Variants in TECR observed in about 807,000 individuals in gnomAD.
TECR encodes the protein very-long-chain enoyl-CoA reductase.
TECR carries 19 observed loss-of-function variants against 50.6 expected under a neutral mutation model. That is an observed-to-expected ratio of 0.38 (90% confidence interval 0.26 to 0.55). The LOEUF is 0.55. TECR is among the 20% of genes least tolerant of loss of function. The pLI, the probability that TECR is intolerant of heterozygous loss-of-function variation, is 0.79. For synonymous variants in TECR, 168 were observed against 163.5 expected, an observed-to-expected ratio of 1.03 and a Z score of -0.21; for missense variants, 313 against 408.3, an observed-to-expected ratio of 0.77 and a Z score of 2.01.
intron 1 of TECR, among the ~76,000 whole-genome samples, chr19:14,534,801 A>T (rs145977907): frequency 1.3e-5 from 2 of 152,156 alleles, no homozygotes; most frequent in Non-Finnish European, 2.9e-5. Flanking sequence ...AGATAATGCA[A>T]CTGAAGCTCA....
Position 14,529,815 on chromosome 19 carries a change from A to C in TECR, c.15+104A>C, listed in dbSNP as rs542276577. The C allele has an allele frequency of 2.6e-6, 4 of 1,550,190 alleles. No individual in the cohort carries two copies. In the South Asian group the frequency reaches 4.5e-5, roughly 17 times the overall value. ...CTTTCTGGTCCTGTGCCCCGAAGGA[A>C]GAGCCAGACGGCGCAGGCGCAGTGG... On this transcript the variant is annotated intron_variant, in intron 1 of 12. Coordinates refer to ENST00000215567, the MANE Select transcript of TECR (RefSeq NM_138501.6).
intron 1 of TECR, among the ~76,000 whole-genome samples, chr19:14,541,434 A>G (rs548907864): frequency 2.5e-4 from 38 of 152,372 alleles, no homozygotes; most frequent in Non-Finnish European, 1.5e-5. Context: ...GGTTGTGGGC[A>G]GGTCCTGCTG....
intron 1 of TECR, among the ~76,000 whole-genome samples, chr19:14,537,744 G>GT (rs533380690): frequency 0.06 from 7,615 of 126,216 alleles, 376 homozygotes; most frequent in Middle Eastern, 0.066. Context: ...AATTATCAGT[G>GT]TTTTTTTTTT....
At chr19:14,528,034 C>A (rs888626653), upstream of TECR, among the ~76,000 whole-genome samples, 1 of 150,928 alleles carries the variant, frequency 6.6e-6, no homozygotes, top group Non-Finnish European at 1.5e-5. Context: ...CAGGTGCCCA[C>A]CATTACACCT....
chr19:14,529,708 C>T lies in TECR; in HGVS notation c.12C>T (p.Tyr4=), dbSNP rs1166268610. The change falls in exon 1 of 13, where the codon TAC becomes TAT. Residue 4 remains tyrosine (Y), a synonymous_variant. Transcript: ENST00000215567. ...CGTGGGAGGGAGCCATGAAGCATTA[C>T]GAGGTAAGAAGCGAGAAACAGGGGC... MKH[Y]EVEILDAKTR... 3 of 1,614,012 alleles carry T rather than the reference C, an allele frequency of 1.9e-6. No individual in the cohort carries two copies. In the South Asian group the frequency reaches 3.3e-5, roughly 18 times the overall value.
At chr19:14,536,693 A>G (rs1415118372) in intron 1 of TECR, 1 of 152,134 alleles carries the variant, frequency 6.6e-6, no homozygotes, top group East Asian at 1.9e-4. Context: ...TCTAAGTCAC[A>G]GGTAGGGTAT....
At chr19:14,559,331 C>T (rs2073837407) in intron 1 of TECR, among the ~76,000 whole-genome samples, 1 of 152,064 alleles carries the variant, frequency 6.6e-6, no homozygotes, top group Admixed American at 6.6e-5. Context: ...GCAGCAGCCA[C>T]TCCCCATTCC....
At chr19:14,562,424 G>T in intron 1 of TECR, 101 bp from the exon 2 acceptor site, 1 of 1,331,688 alleles carries the variant, frequency 7.5e-7, no homozygotes, top group Non-Finnish European at 1.1e-6. Context: ...TTGTTGGCCC[G>T]GGAGGCCACC....
chr19:14,539,140 ATTTTTTTTTTTTTT>A (rs57801378), intron 1 of TECR, among the ~76,000 whole-genome samples: 13 of 92,544 alleles, frequency 1.4e-4, no homozygotes, highest in Admixed American at 1.1e-3. Flanking sequence ...CGCCCGGCTA[ATTTTTTTTTTTTTT>A]TTTTTTTTTT....
intron 1 of TECR, among the ~76,000 whole-genome samples, chr19:14,538,041 G>T (rs777755612): frequency 6.6e-6 from 1 of 152,058 alleles, no homozygotes; most frequent in East Asian, 1.9e-4. Flanking sequence ...CCACTGCGCC[G>T]GCAGTGTGAG....
chr19:14,552,172 C>CT (rs536176918), intron 1 of TECR, among the ~76,000 whole-genome samples: 5,190 of 133,454 alleles, frequency 0.039, 146 homozygotes, highest in Non-Finnish European at 0.055. Context: ...TTTCTTTTTT[C>CT]TTTTTTTTTT....
rs78616471 is a variant in TECR at position 14,550,310 on chromosome 19, G to A, written c.16-12215G>A. On this transcript the variant is annotated intron_variant, in intron 1 of 12. Coordinates refer to ENST00000215567, the MANE Select transcript of TECR (RefSeq NM_138501.6). ...TGGGCGGGTGGTGTTAGCTGCCGCC[G>A]CGTGTATAAAGCCTGCCACGTAGAT... Among the ~76,000 whole-genome samples the A allele has an allele frequency of 6.9e-3, 1,052 of 152,254 alleles. 3 individuals carry two copies. The highest frequency in any genetic ancestry group is 0.011 in the Non-Finnish European group (733 of 68,040).
chr19:14,565,597 ACT>A lies in TECR; in HGVS notation c.754-17_754-16del. 1 of 1,606,762 alleles carries A rather than the reference ACT, an allele frequency of 6.2e-7. No homozygotes were observed. The highest frequency in any genetic ancestry group is 8.5e-7 in the Non-Finnish European group (1 of 1,178,306). On this transcript the variant is annotated intron_variant, in intron 11 of 12. Transcript: ENST00000215567. ...ACGGGTTGCGAGGCTGCCCACGCTC[ACT>A]CTCCGCCCCTGCCCACAGGTGGGGT...
rs1393510438 is a variant in TECR, at chr19:14,564,295, C to T, written c.489+8C>T. ...TTGCGCAACATCTTCAAGGTGAGAG[C>T]CCGTCCCCGCCTCACCCCTAAGCCC... On this transcript the variant is annotated splice_region_variant and intron_variant, in intron 7 of 12. Coordinates refer to ENST00000215567, the MANE Select transcript of TECR (RefSeq NM_138501.6). The T allele has an allele frequency of 6.3e-6, 10 of 1,591,998 alleles. No homozygotes were observed. The highest frequency in any genetic ancestry group is 8.5e-6 in the Non-Finnish European group (10 of 1,171,768).
At chr19:14,555,373 T>C (rs564716038) in intron 1 of TECR, among the ~76,000 whole-genome samples, 17 of 149,998 alleles carry the variant, frequency 1.1e-4, no homozygotes, top group Non-Finnish European at 2.4e-4. Context: ...CTCAGCCTCC[T>C]GAGTAGCTGG....
chr19:14,550,325 GC>G (rs1424766538), intron 1 of TECR, among the ~76,000 whole-genome samples: 2 of 152,164 alleles, frequency 1.3e-5, no homozygotes, highest in Non-Finnish European at 2.9e-5. Context: ...TATAAAGCCT[GC>G]CACGTAGATC....
chr19:14,563,701 C>T lies in TECR; in HGVS notation c.162C>T (p.Pro54=). ...CCCGCCAGTCCCTCCGCCTGGACCC[C>T]AGTGAGTACAGCTGTCCACTCGGCC... ...YPARQSLRLD[P]KGKSLKDEDV... is the part of the protein sequence containing the mutation. Residue 54 remains proline, a splice_region_variant and synonymous_variant, in exon 4 of 13, where the codon CCC becomes CCT. Transcript: ENST00000215567. This position sits in a 1 kb window ranked among gnomAD's most constrained non-coding sequence, Gnocchi z 5.3. 2 of 1,613,194 alleles carry T rather than the reference C, an allele frequency of 1.2e-6. No individual in the cohort carries two copies. Among genetic ancestry groups the T allele is most frequent in the Non-Finnish European group, 1.7e-6 (2 of 1,179,914 alleles).
intron 1 of TECR, 155 bp from the exon 2 acceptor site, chr19:14,562,370 G>A (rs914116190): frequency 1.5e-5 from 12 of 779,124 alleles, no homozygotes; most frequent in African/African-American, 1.4e-4. Flanking sequence ...GGGCAGAGCC[G>A]AGTGGCAGGG....
chr19:14,541,184 C>T (rs556867833), intron 1 of TECR, among the ~76,000 whole-genome samples: 3 of 152,220 alleles, frequency 2.0e-5, no homozygotes, highest in Non-Finnish European at 4.4e-5. Context: ...CACCGTGTTG[C>T]CCAGGCTGGT....
Sources: allele counts gnomAD v4.1 joint callset (sites outside exome capture counted in the v4.1 genomes callset), GRCh38; gene constraint gnomAD v4.1.1; non-coding constraint Gnocchi (gnomAD v3.1); transcripts MANE v1.5; gene names NCBI Gene and HGNC (gene_info 2026-07-23, HGNC 2026-07-21).